DENND3: variants seen among roughly 807,000 people sequenced by gnomAD.
DENND3 encodes DENN domain-containing protein 3.
DENND3 carries 88 observed loss-of-function variants against 135.1 expected under a neutral mutation model. The ratio of observed to expected loss-of-function variants is 0.65; its 90% confidence interval spans 0.55 to 0.78. The LOEUF (loss-of-function observed/expected upper bound fraction) is 0.78, where lower values mean the gene tolerates loss of function less well. Among genes scored for constraint, DENND3 ranks in the 30% least tolerant of loss-of-function variants. The probability of loss-of-function intolerance (pLI) is 0.00; values close to 1 mark genes in which losing one functional copy is unlikely to be tolerated. For synonymous variants in DENND3, 693 were observed against 712.3 expected (o/e 0.97, Z 0.43); for missense variants, 1,392 against 1,688.4 (o/e 0.82, Z 3.08).
intron 8 of DENND3, chr8:141,158,314 T>C: frequency 7.8e-7 from 1 of 1,275,214 alleles, no homozygotes; most frequent in African/African-American, 1.5e-5. Context: ...TCCTTGACTT[T>C]TAGAGCGTGA....
chr8:141,139,370 C>T lies in DENND3; in HGVS notation c.501+1233C>T, dbSNP rs1420551739. Among the ~76,000 whole-genome samples, 1 of 152,172 alleles carries T rather than the reference C, an allele frequency of 6.6e-6. No individual in the cohort carries two copies. The highest frequency in any genetic ancestry group is 2.4e-5 in the African/African-American group (1 of 41,428). On this transcript the variant is annotated intron_variant, in intron 3 of 22. Transcript: ENST00000519811. The surrounding 1 kb of genome is among the most constrained non-coding windows in gnomAD (Gnocchi z 4.2). Reference sequence around the variant, plus strand: ...TCTTAATGAATATGCAGGAGCAAAGCGTACTACTTGATGCTCTGAATGCAT... The same window carrying T: ...TCTTAATGAATATGCAGGAGCAAAGTGTACTACTTGATGCTCTGAATGCAT...
At chr8:141,190,563 G>C (rs1335887074) in intron 20 of DENND3, 146 bp downstream of exon 20, 1 of 1,276,354 alleles carries the variant, frequency 7.8e-7, no homozygotes, top group Non-Finnish European at 1.0e-6. Flanking sequence ...TGTGGTCGCA[G>C]CAACCTTTAC....
intron 5 of DENND3, among the ~76,000 whole-genome samples, chr8:141,145,828 TA>T (rs1569555456): frequency 0.02 from 1,845 of 90,682 alleles, 181 homozygotes; most frequent in Admixed American, 0.076. Context: ...TATATATATA[TA>T]TATATATATA....
chr8:141,167,502 A>G lies in DENND3; in HGVS notation c.1754-502A>G, dbSNP rs1820960122. Among the ~76,000 whole-genome samples, 1 of 152,154 alleles carries G rather than the reference A, an allele frequency of 6.6e-6. No individual in the cohort carries two copies. Among genetic ancestry groups the G allele is most frequent in the African/African-American group, 2.4e-5 (1 of 41,418 alleles). On this transcript the variant is annotated intron_variant, in intron 12 of 22. Coordinates refer to ENST00000519811, the MANE Select transcript of DENND3 (RefSeq NM_001352890.3). The surrounding 1 kb of genome is among the most constrained non-coding windows in gnomAD (Gnocchi z 4.1). ...TAGAAGGAGTTGGTGTGAGACACAC[A>G]CCTGGTTGAAGTGTGGCTCAGGCAC... is the stretch of plus-strand genomic sequence containing the variant.
At chr8:141,191,933 G>A (rs1337344079) in intron 20 of DENND3, 1 of 159,868 alleles carries the variant, frequency 6.3e-6, no homozygotes, top group African/African-American at 2.4e-5. Context: ...ATTGCAATAT[G>A]CAACCTTAAC....
In DENND3 at chr8:141,141,361, G is replaced by T; in HGVS notation, c.623+37G>T. ...CACCGGGGGCCAGGGGTGGTAGGGGGCAGCTCTTTGTGCCTCTCCAGGTGA... is the reference window on the plus strand; with the variant it reads ...CACCGGGGGCCAGGGGTGGTAGGGGTCAGCTCTTTGTGCCTCTCCAGGTGA... On this transcript the variant is annotated intron_variant, in intron 4 of 22. Transcript: ENST00000519811. The surrounding 1 kb of genome is among the most constrained non-coding windows in gnomAD (Gnocchi z 5.3). 1 of 1,601,480 alleles carries T rather than the reference G, an allele frequency of 6.2e-7. No homozygotes were observed.
At chr8:141,151,076 A>G in intron 6 of DENND3, 123 bp downstream of exon 6, 1 of 1,318,546 alleles carries the variant, frequency 7.6e-7, no homozygotes, top group Non-Finnish European at 9.8e-7. Context: ...TATACTCGAA[A>G]TGTTTATTAT....
chr8:141,187,187 T>A (rs1475674502), intron 18 of DENND3, among the ~76,000 whole-genome samples: 1 of 151,742 alleles, frequency 6.6e-6, no homozygotes, highest in Non-Finnish European at 1.5e-5. Context: ...TTTTTTTTTT[T>A]ACATGTTTAA....
intron 1 of DENND3, among the ~76,000 whole-genome samples, chr8:141,133,258 C>T (rs1816360281): frequency 6.6e-6 from 1 of 152,128 alleles, no homozygotes; most frequent in Admixed American, 6.5e-5. Context: ...TTTTGCTTGG[C>T]TTTGGGGGCA....
At chr8:141,131,565 G>A (rs1447209184) in intron 1 of DENND3, among the ~76,000 whole-genome samples, 1 of 152,216 alleles carries the variant, frequency 6.6e-6, no homozygotes, top group African/African-American at 2.4e-5. Flanking sequence ...AGTGAGCTAA[G>A]AAACTGGGTT....
chr8:141,177,802 G>T (rs935184331), intron 15 of DENND3: 1 of 346,572 alleles, frequency 2.9e-6, no homozygotes, highest in Non-Finnish European at 5.2e-6. Flanking sequence ...GATCTCAGCT[G>T]AGACTGGCCA....
chr8:141,194,161 G>A lies in DENND3; in HGVS notation c.3765G>A (p.Ser1255=), dbSNP rs763209721. 2.0e-5 allele frequency: 32 copies of A among 1,613,676 alleles called. No individual in the cohort carries two copies. The highest frequency in any genetic ancestry group is 8.9e-5 in the East Asian group (4 of 44,880). ...TGGACACCGTGAGGACGCTGTGCTC[G>A]GCTGAGGACAGATACGTGCTGAGTG... is the stretch of plus-strand genomic sequence containing the variant. ...AHMDTVRTLC[S]AEDRYVLSGS... is the part of the protein sequence containing the mutation. Residue 1255 remains serine, a synonymous_variant, in exon 23 of 23, where the codon TCG becomes TCA. Transcript: ENST00000519811.
intron 22 of DENND3, 145 bp downstream of exon 22, chr8:141,192,808 A>G (rs745351675): frequency 6.4e-7 from 1 of 1,573,544 alleles, no homozygotes; most frequent in Admixed American, 1.8e-5. Flanking sequence ...AGGCACGTGC[A>G]GGGTTGGTGC....
rs182854027 is a variant in DENND3, at chr8:141,156,987, T to A, written c.1196+1017T>A. ...TTTAGTGGAGATGGGTTTCACTATG[T>A]TGGCCAGGCTGGTCTTGAACTCCTG... On this transcript the variant is annotated intron_variant, in intron 8 of 22. Coordinates refer to ENST00000519811, the MANE Select transcript of DENND3 (RefSeq NM_001352890.3). 2.0e-5 allele frequency among the ~76,000 whole-genome samples: 3 copies of A among 152,140 alleles called. No homozygotes were observed. In the East Asian group the frequency reaches 5.8e-4, roughly 29 times the overall value.
Position 141,195,007 on chromosome 8 carries a change from T to C in DENND3, c.*774T>C, listed in dbSNP as rs1357306193. ...TGGGATCAAAAGTAAAATAGCATCA[T>C]GTGTGATCTCGTCTTCCAGCGTGCC... is the stretch of plus-strand genomic sequence containing the variant. On this transcript the variant is annotated 3_prime_UTR_variant, in exon 23 of 23. Coordinates refer to ENST00000519811, the MANE Select transcript of DENND3 (RefSeq NM_001352890.3). 2 of 152,286 alleles carry C rather than the reference T, an allele frequency of 1.3e-5. No individual in the cohort carries two copies. The highest frequency in any genetic ancestry group is 2.4e-5 in the African/African-American group (1 of 41,460). 9.4% of individuals were successfully genotyped at this position (152,286 alleles called of 1,614,324 possible).
intron 4 of DENND3, chr8:141,143,780 C>G (rs148669722): frequency 1.7e-3 from 290 of 173,820 alleles, no homozygotes; most frequent in African/African-American, 5.6e-3. Context: ...CTCAAGCACT[C>G]TCCTTCCAGG....
At chr8:141,184,199 G>A (rs1823581667) in intron 17 of DENND3, among the ~76,000 whole-genome samples, 1 of 152,218 alleles carries the variant, frequency 6.6e-6, no homozygotes, top group Non-Finnish European at 1.5e-5. Flanking sequence ...TAAAATGGGT[G>A]CTGCTAAAAT....
chr8:141,183,369 C>T (rs1823429685), intron 17 of DENND3, among the ~76,000 whole-genome samples: 1 of 152,010 alleles, frequency 6.6e-6, no homozygotes, highest in African/African-American at 2.4e-5. Flanking sequence ...CCTCGGCCTC[C>T]TGATTAGCTG....
At chr8:141,155,995 A>C (rs1162756113) in intron 8 of DENND3, 25 bp downstream of exon 8, 1 of 1,576,422 alleles carries the variant, frequency 6.3e-7, no homozygotes, top group East Asian at 2.3e-5. Context: ...TAATGGTATG[A>C]ATTTCAGACC....
Sources: gnomAD v4.1 joint callset for allele counts (sites outside exome capture counted in the v4.1 genomes callset) on GRCh38, gnomAD v4.1.1 for gene constraint, Gnocchi (gnomAD v3.1) non-coding constraint, MANE v1.5 for transcripts, NCBI Gene and HGNC (gene_info 2026-07-23, HGNC 2026-07-21) for gene names.